Variants in MAGI2 observed in about 807,000 individuals in gnomAD.
MAGI2 encodes the protein membrane-associated guanylate kinase, WW and PDZ domain-containing protein 2.
In MAGI2, 35 loss-of-function variants were observed where a neutral mutation model predicts 133.3. That is an observed-to-expected ratio of 0.26 (90% CI 0.20 to 0.35). The LOEUF is 0.35. MAGI2 is among the 10% of genes least tolerant of loss of function. MAGI2 has a pLI of 1.00. For synonymous variants in MAGI2, 729 were observed against 710.6 expected (o/e 1.03, Z -0.41); for missense variants, 1,636 against 1,863.4 (o/e 0.88, Z 2.25).
At chr7:78,163,027 T>C (rs1041978445) in intron 15 of MAGI2, among the ~76,000 whole-genome samples, 1 of 152,158 alleles carries the variant, frequency 6.6e-6, no homozygotes, top group Non-Finnish European at 1.5e-5. Flanking sequence ...TTAAAGAAAA[T>C]TCACTAATTT....
At chr7:79,298,272 G>C (rs929699247) in intron 1 of MAGI2, among the ~76,000 whole-genome samples, 6 of 152,116 alleles carry the variant, frequency 3.9e-5, no homozygotes, top group African/African-American at 1.4e-4. Context: ...TCTTTGAGAG[G>C]TTTTAAGAGA....
At chr7:78,278,889 T>G (rs1795293704) in intron 9 of MAGI2, among the ~76,000 whole-genome samples, 1 of 152,298 alleles carries the variant, frequency 6.6e-6, no homozygotes, top group East Asian at 1.9e-4. Context: ...GCACTAGCTA[T>G]ACAGAGACCA....
chr7:78,445,727 A>T (rs1788066839), intron 6 of MAGI2, among the ~76,000 whole-genome samples: 1 of 151,940 alleles, frequency 6.6e-6, no homozygotes, highest in South Asian at 2.1e-4. Context: ...TTTTAGATCC[A>T]TCTCTTTTTA....
chr7:78,361,258 G>T (rs12705412), intron 7 of MAGI2, among the ~76,000 whole-genome samples: 48,120 of 151,802 alleles, frequency 0.32, 8,092 homozygotes, highest in East Asian at 0.57. Context: ...GCCGGGTGTG[G>T]TGGCAGGTGC....
At chr7:79,435,514 CTG>C (rs1194928125) in intron 1 of MAGI2, among the ~76,000 whole-genome samples, 2 of 152,142 alleles carry the variant, frequency 1.3e-5, no homozygotes, top group Non-Finnish European at 2.9e-5. Context: ...CTTTCAGACA[CTG>C]TGTTATAAAT....
chr7:78,667,697 A>T (rs982138708), intron 2 of MAGI2, among the ~76,000 whole-genome samples: 6 of 151,992 alleles, frequency 3.9e-5, no homozygotes, highest in Admixed American at 1.3e-4. Flanking sequence ...AATTTCATCC[A>T]TGTCCCTACA....
intron 6 of MAGI2, among the ~76,000 whole-genome samples, chr7:78,436,754 T>G (rs762412954): frequency 3.9e-5 from 6 of 152,128 alleles, no homozygotes; most frequent in Admixed American, 6.5e-5. Flanking sequence ...GCCTAAGACA[T>G]TCCCCTGATA....
chr7:78,564,780 A>ATTT (rs1584654139), intron 3 of MAGI2, among the ~76,000 whole-genome samples: 3 of 72,164 alleles, frequency 4.2e-5, no homozygotes, highest in Admixed American at 1.7e-4. Flanking sequence ...TCTCTTTGAC[A>ATTT]TTCTTTTTTT....
chr7:78,214,652 CT>C (rs1021656290), intron 10 of MAGI2, among the ~76,000 whole-genome samples: 4 of 144,988 alleles, frequency 2.8e-5, no homozygotes, highest in African/African-American at 9.8e-5. Flanking sequence ...ATGTTTATTT[CT>C]TGTTTTGACT....
chr7:79,403,371 C>A (rs1001586460), intron 1 of MAGI2, among the ~76,000 whole-genome samples: 1 of 151,948 alleles, frequency 6.6e-6, no homozygotes, highest in South Asian at 2.1e-4. Flanking sequence ...GAATACATGA[C>A]AATTTTCATA....
chr7:78,672,937 A>C (rs1450268522), intron 2 of MAGI2, among the ~76,000 whole-genome samples: 1 of 152,190 alleles, frequency 6.6e-6, no homozygotes, highest in African/African-American at 2.4e-5. Context: ...AACTTTCATC[A>C]ATGGCTTTTA....
intron 6 of MAGI2, among the ~76,000 whole-genome samples, chr7:78,387,973 T>A (rs572480852): frequency 3.9e-3 from 551 of 141,212 alleles, no homozygotes; most frequent in Non-Finnish European, 6.0e-3. Context: ...AATAAATAAA[T>A]AAAATAATAA....
intron 2 of MAGI2, among the ~76,000 whole-genome samples, chr7:78,952,342 G>T (rs1287617935): frequency 6.6e-6 from 1 of 152,072 alleles, no homozygotes; most frequent in Non-Finnish European, 1.5e-5. Flanking sequence ...AGCTAAAACT[G>T]AATAGTTTTT....
At chr7:79,127,574 G>A (rs1021635033) in intron 1 of MAGI2, among the ~76,000 whole-genome samples, 9 of 152,082 alleles carry the variant, frequency 5.9e-5, no homozygotes, top group African/African-American at 2.2e-4. Context: ...TTTTTCATGT[G>A]TTTTTGGCTG....
At position 78,019,318 on chromosome 7, in the gene MAGI2, T is replaced by G. The variant is rs772257678; in HGVS notation, c.4365A>C (p.Arg1455Ser). ...GGGTTGGCCGTGGCCGCGCGGCTCA[T>G]CTGCTGGCGGCCGAGGCGCCGGGTT... Reference protein sequence around the residue: ...VLKPGASAASR With the variant: ...VLKPGASAASS The change falls in exon 22 of 22, where the codon AGA becomes AGC. Residue 1455 changes from arginine to serine, a missense_variant. Around this residue, in one of 5 missense-constraint regions of MAGI2, gnomAD observed 354 missense variants for 298.7 expected, o/e 1.19. Transcript: ENST00000354212. 4 of 1,559,816 alleles carry G rather than the reference T, an allele frequency of 2.6e-6. No homozygotes were observed. Among genetic ancestry groups the G allele is most frequent in the Non-Finnish European group, 3.4e-6 (4 of 1,163,002 alleles).
chr7:78,369,533 G>A (rs1411853579), intron 6 of MAGI2, among the ~76,000 whole-genome samples: 2 of 152,052 alleles, frequency 1.3e-5, no homozygotes, highest in African/African-American at 2.4e-5. Context: ...TTTCCTGAAA[G>A]TGTATATGTT....
intron 2 of MAGI2, among the ~76,000 whole-genome samples, chr7:78,776,832 TC>T (rs60488902): frequency 0.031 from 4,730 of 152,334 alleles, 109 homozygotes; most frequent in Non-Finnish European, 0.042. Context: ...TCTTCTTTTT[TC>T]AATGAAATAA....
In MAGI2 at chr7:79,195,431, T is replaced by C. The variant is rs758408401; in HGVS notation, c.302-188225A>G. Reference sequence around the variant, plus strand: ...CAGAAAAAATAGAAAAAAGAAAGCATATAAAACCTTATCAATAAAACACTT... The same window carrying C: ...CAGAAAAAATAGAAAAAAGAAAGCACATAAAACCTTATCAATAAAACACTT... On this transcript the variant is annotated intron_variant, in intron 1 of 21. Coordinates refer to ENST00000354212, the MANE Select transcript of MAGI2 (RefSeq NM_012301.4). Among the ~76,000 whole-genome samples the C allele has an allele frequency of 2.7e-4, 41 of 151,996 alleles. 1 individual carries two copies. Among genetic ancestry groups the C allele is most frequent in the South Asian group, 2.1e-4 (1 of 4,832 alleles).
intron 3 of MAGI2, chr7:78,583,525 A>T (rs1203623255): frequency 6.6e-6 from 1 of 152,026 alleles, no homozygotes; most frequent in Non-Finnish European, 1.5e-5. Context: ...ATAAATAAAA[A>T]TTAAAAAATT....
Sources: allele counts gnomAD v4.1 joint callset (sites outside exome capture counted in the v4.1 genomes callset), GRCh38; gene constraint gnomAD v4.1.1; regional missense constraint gnomAD v4.1.1; transcripts MANE v1.5; gene names NCBI Gene and HGNC (gene_info 2026-07-23, HGNC 2026-07-21).